Variants in KSR2 observed in about 807,000 individuals in gnomAD.
KSR2 encodes kinase suppressor of ras 2.
A neutral mutation model predicts 107.8 loss-of-function variants in KSR2; 25 were observed. The ratio of observed to expected loss-of-function variants is 0.23; its 90% CI spans 0.17 to 0.32. KSR2 has a LOEUF of 0.32. KSR2 is among the 10% of genes least tolerant of loss of function. KSR2 has a pLI of 1.00. For synonymous variants in KSR2, 480 were observed against 507.0 expected, an observed-to-expected ratio of 0.95 and a Z score of 0.71; for missense variants, 887 against 1,268.9, an observed-to-expected ratio of 0.70 and a Z score of 4.57.
chr12:117,646,542 TGCA>T (rs1266321387), intron 5 of KSR2, among the ~76,000 whole-genome samples: 4 of 152,152 alleles, frequency 2.6e-5, no homozygotes, highest in Non-Finnish European at 4.4e-5. Context: ...CAGAGAAAGC[TGCA>T]GCCAAAGCCT....
intron 1 of KSR2, among the ~76,000 whole-genome samples, chr12:117,928,242 C>T (rs1305714603): frequency 1.3e-5 from 2 of 150,154 alleles, no homozygotes; most frequent in Non-Finnish European, 2.9e-5. Context: ...TGCAGTGGTG[C>T]AGTATCAGCT....
intron 4 of KSR2, among the ~76,000 whole-genome samples, chr12:117,668,232 G>A (rs1884748914): frequency 6.6e-6 from 1 of 152,174 alleles, no homozygotes; most frequent in Non-Finnish European, 1.5e-5. Context: ...CCTTCGGTAG[G>A]ATCACAGTGC....
intron 5 of KSR2, among the ~76,000 whole-genome samples, chr12:117,610,827 GAGACAGAC>G (rs373262140): frequency 2.6e-5 from 4 of 151,276 alleles, no homozygotes; most frequent in Non-Finnish European, 1.5e-5. Context: ...TAGGTAGGTA[GAGACAGAC>G]AGACAGACAG....
chr12:117,584,443 A>C (rs1472626644), intron 5 of KSR2, among the ~76,000 whole-genome samples: 1 of 152,152 alleles, frequency 6.6e-6, no homozygotes, highest in Non-Finnish European at 1.5e-5. Context: ...GCGTCCTCAC[A>C]AGGAAATCTA....
intron 2 of KSR2, among the ~76,000 whole-genome samples, chr12:117,856,725 C>G (rs998082135): frequency 5.3e-5 from 8 of 152,118 alleles, no homozygotes; most frequent in African/African-American, 1.9e-4. Context: ...GATCTGCCCA[C>G]CTCAGCCTCC....
chr12:117,723,856 T>C (rs1366334370), intron 4 of KSR2, among the ~76,000 whole-genome samples: 1 of 152,256 alleles, frequency 6.6e-6, no homozygotes, highest in African/African-American at 2.4e-5. Context: ...AAATAACATT[T>C]ATTGTGTATT....
At chr12:117,790,890 C>A (rs1001499212) in intron 3 of KSR2, among the ~76,000 whole-genome samples, 1 of 152,196 alleles carries the variant, frequency 6.6e-6, no homozygotes, top group African/African-American at 2.4e-5. Context: ...CACCTCACAC[C>A]TGGACAACTG....
chr12:117,525,301 C>T, intron 13 of KSR2, 82 bp from the exon 14 acceptor site: 3 of 1,440,800 alleles, frequency 2.1e-6, no homozygotes, highest in East Asian at 4.9e-5. Flanking sequence ...GTCCCGTGCA[C>T]ATGCGTAGGT....
intron 4 of KSR2, among the ~76,000 whole-genome samples, chr12:117,731,824 T>C (rs113052666): frequency 0.094 from 13,934 of 149,024 alleles, 837 homozygotes; most frequent in Middle Eastern, 0.14. Flanking sequence ...GTTAAACAGA[T>C]GCTTGAAGGC....
At chr12:117,612,083 T>C (rs1881634012) in intron 5 of KSR2, among the ~76,000 whole-genome samples, 1 of 152,160 alleles carries the variant, frequency 6.6e-6, no homozygotes, top group Non-Finnish European at 1.5e-5. Flanking sequence ...CTTGATGCCA[T>C]AGACCTGTAC....
At chr12:117,841,794 A>AG (rs995987543) in intron 3 of KSR2, among the ~76,000 whole-genome samples, 8 of 152,200 alleles carry the variant, frequency 5.3e-5, no homozygotes, top group African/African-American at 1.7e-4. Context: ...CTCCCAGGCA[A>AG]GGGCTCTACC....
chr12:117,794,669 GCACA>G (rs1890553249), intron 3 of KSR2, among the ~76,000 whole-genome samples: 2 of 134,860 alleles, frequency 1.5e-5, no homozygotes, highest in South Asian at 2.5e-4. Flanking sequence ...ACACCAATAT[GCACA>G]CACTCATACC....
At chr12:117,818,928 T>C (rs1048417850) in intron 3 of KSR2, among the ~76,000 whole-genome samples, 8 of 152,236 alleles carry the variant, frequency 5.3e-5, no homozygotes, top group Admixed American at 4.6e-4. Context: ...TCATGAAGCA[T>C]GACATGGAGG....
intron 1 of KSR2, among the ~76,000 whole-genome samples, chr12:117,914,158 G>A (rs1895107260): frequency 6.6e-6 from 1 of 152,156 alleles, no homozygotes; most frequent in Admixed American, 6.5e-5. Context: ...GCTGGGTGCA[G>A]TGGCTCACAC....
chr12:117,521,031 T>A (rs747776798), intron 14 of KSR2, among the ~76,000 whole-genome samples: 1 of 152,162 alleles, frequency 6.6e-6, no homozygotes, highest in African/African-American at 2.4e-5. Flanking sequence ...GGCCAGGCAC[T>A]GTTACTGTAT....
At chr12:117,792,791 C>A (rs1282842317) in intron 3 of KSR2, among the ~76,000 whole-genome samples, 1 of 152,108 alleles carries the variant, frequency 6.6e-6, no homozygotes, top group Non-Finnish European at 1.5e-5. Flanking sequence ...ATGTGGGGTG[C>A]GTCATCCCTA....
chr12:117,830,990 A>G (rs931197826), intron 3 of KSR2, among the ~76,000 whole-genome samples: 10 of 152,294 alleles, frequency 6.6e-5, no homozygotes, highest in South Asian at 4.1e-4. Flanking sequence ...CTGTGAGAGA[A>G]AAGAGATGTG....
At chr12:117,485,823 T>C (rs1269343959) in intron 14 of KSR2, 132 bp from the exon 15 acceptor site, 4 of 613,458 alleles carry the variant, frequency 6.5e-6, no homozygotes, top group Non-Finnish European at 1.2e-5. Flanking sequence ...AGATAATAAG[T>C]CTGGGACTGG....
chr12:117,835,105 C>T (rs1272721666), intron 3 of KSR2, among the ~76,000 whole-genome samples: 1 of 152,152 alleles, frequency 6.6e-6, no homozygotes, highest in African/African-American at 2.4e-5. Context: ...GACCAAGACA[C>T]CAGGCTCAGT....
Sources: gnomAD v4.1 joint callset for allele counts (sites outside exome capture counted in the v4.1 genomes callset) on GRCh38, gnomAD v4.1.1 for gene constraint, MANE v1.5 for transcripts, NCBI Gene and HGNC (gene_info 2026-07-23, HGNC 2026-07-21) for gene names.